TBC1D23: variants seen among roughly 807,000 people sequenced by gnomAD.
TBC1D23 encodes the protein TBC1 domain family member 23.
Under a neutral mutation model 91.4 loss-of-function variants are expected in TBC1D23, and 55 were observed. The observed-to-expected ratio is 0.60, with a 90% CI of 0.48 to 0.75. The LOEUF (loss-of-function observed/expected upper bound fraction) is 0.75, where lower values mean the gene tolerates loss of function less well. Ranked by LOEUF, TBC1D23 falls within the 30% of genes least tolerant of loss-of-function variation. TBC1D23 has a pLI of 0.00. For synonymous variants in TBC1D23, 289 were observed against 281.0 expected (o/e 1.03, Z -0.28); for missense variants, 725 against 836.1 (o/e 0.87, Z 1.64).
At chr3:100,308,963 G>A (rs1039018929) in intron 13 of TBC1D23, among the ~76,000 whole-genome samples, 2 of 152,210 alleles carry the variant, frequency 1.3e-5, no homozygotes, top group Non-Finnish European at 2.9e-5. Context: ...GCTCATGCTT[G>A]TAATCCCAGC....
At chr3:100,262,868 G>A (rs1244791884) in intron 1 of TBC1D23, among the ~76,000 whole-genome samples, 1 of 151,760 alleles carries the variant, frequency 6.6e-6, no homozygotes, top group Non-Finnish European at 1.5e-5. Flanking sequence ...AAAATCCAAT[G>A]TGCATTTTAC....
Position 100,323,507 on chromosome 3 carries a change from G to A in TBC1D23, c.2019-80G>A. 2 of 708,388 alleles carry A rather than the reference G, an allele frequency of 2.8e-6. 1 individual carries two copies. Among genetic ancestry groups the A allele is most frequent in the Admixed American group, 9.4e-5 (2 of 21,364 alleles). The allele number at this position is 708,388 out of a possible 1,614,324, so 43.9% of individuals were successfully genotyped here. On this transcript the variant is annotated intron_variant, in intron 18 of 18. Transcript: ENST00000394144. ...GGAGGTGACCTATCAGCTGAGTCTTGAAGGGAAAGCACTGTATTTTTATAT... is the reference window on the plus strand; with the variant it reads ...GGAGGTGACCTATCAGCTGAGTCTTAAAGGGAAAGCACTGTATTTTTATAT...
At chr3:100,320,390 G>A (rs1414896510) in intron 17 of TBC1D23, among the ~76,000 whole-genome samples, 1 of 152,020 alleles carries the variant, frequency 6.6e-6, no homozygotes, top group East Asian at 1.9e-4. Context: ...TAGTGATCTT[G>A]GATATTAGAT....
intron 15 of TBC1D23, 82 bp from the exon 16 acceptor site, chr3:100,316,017 G>T: frequency 8.9e-7 from 1 of 1,129,600 alleles, no homozygotes; most frequent in Non-Finnish European, 1.3e-6. Flanking sequence ...TACATTTTGT[G>T]TGAATATTCA....
At chr3:100,307,295 T>C (rs1233378385) in intron 13 of TBC1D23, among the ~76,000 whole-genome samples, 1 of 152,168 alleles carries the variant, frequency 6.6e-6, no homozygotes, top group Non-Finnish European at 1.5e-5. Context: ...AAAACAGAAA[T>C]AGAAGGAAAA....
intron 15 of TBC1D23, among the ~76,000 whole-genome samples, chr3:100,313,770 A>G (rs1052087953): frequency 6.6e-5 from 10 of 152,186 alleles, no homozygotes; most frequent in African/African-American, 2.2e-4. Context: ...GATGGCATCA[A>G]AGCATTTTTA....
intron 4 of TBC1D23, chr3:100,284,088 T>C (rs941650880): frequency 2.1e-5 from 7 of 334,230 alleles, no homozygotes; most frequent in Non-Finnish European, 3.8e-5. Context: ...AAATAGCAAA[T>C]AGGTGTGATG....
At chr3:100,306,696 C>T (rs1168923790) in intron 13 of TBC1D23, among the ~76,000 whole-genome samples, 153 bp downstream of exon 13, 1 of 152,184 alleles carries the variant, frequency 6.6e-6, no homozygotes, top group African/African-American at 2.4e-5. Flanking sequence ...TGAGATGATA[C>T]AGCAAGCCAT....
At chr3:100,319,283 C>A in intron 17 of TBC1D23, 79 bp downstream of exon 17, 1 of 1,173,110 alleles carries the variant, frequency 8.5e-7, no homozygotes, top group Non-Finnish European at 1.2e-6. Flanking sequence ...TACAGAAGAA[C>A]CTTTATTTAT....
chr3:100,271,368 G>A (rs997665031), intron 1 of TBC1D23, among the ~76,000 whole-genome samples: 1 of 152,162 alleles, frequency 6.6e-6, no homozygotes, highest in Non-Finnish European at 1.5e-5. Context: ...GGACATTGCT[G>A]TTTCTAATGG....
chr3:100,287,966 T>G (rs1006634964), intron 4 of TBC1D23, among the ~76,000 whole-genome samples: 1 of 151,876 alleles, frequency 6.6e-6, no homozygotes, highest in African/African-American at 2.4e-5. Flanking sequence ...TGAGGCCAGG[T>G]GCAGTGACTC....
chr3:100,293,750 A>C (rs1479763773), intron 5 of TBC1D23, among the ~76,000 whole-genome samples: 1 of 152,288 alleles, frequency 6.6e-6, no homozygotes, highest in South Asian at 2.1e-4. Context: ...TCTGTTCCCA[A>C]CACCACTCAC....
At chr3:100,284,999 T>C (rs1347174978) in intron 4 of TBC1D23, among the ~76,000 whole-genome samples, 1 of 152,128 alleles carries the variant, frequency 6.6e-6, no homozygotes, top group East Asian at 1.9e-4. Context: ...TAACTGACTC[T>C]TATTTTTTAC....
rs1327363724 is a variant in TBC1D23, at chr3:100,302,131, C to G, written c.1157C>G (p.Ser386Cys). The change falls in exon 11 of 19, where the codon TCC becomes TGC. Residue 386 changes from serine (S) to cysteine (C), a missense_variant. Coordinates refer to ENST00000394144, the MANE Select transcript of TBC1D23 (RefSeq NM_001199198.3). The part of the protein sequence containing the change: ...VKSLLEAQKQ[S>C]IESGSIAGGE... ...TCCTTGCTGGAAGCACAGAAGCAGTCCATTGAGTCTGGCTCCATAGCTGGT... is the reference window on the plus strand; with the variant it reads ...TCCTTGCTGGAAGCACAGAAGCAGTGCATTGAGTCTGGCTCCATAGCTGGT... 1 of 1,613,756 alleles carries G rather than the reference C, an allele frequency of 6.2e-7. No individual in the cohort carries two copies. Among genetic ancestry groups the G allele is most frequent in the Non-Finnish European group, 8.5e-7 (1 of 1,179,856 alleles).
intron 8 of TBC1D23, among the ~76,000 whole-genome samples, chr3:100,297,720 T>C (rs1223285713): frequency 6.6e-6 from 1 of 152,254 alleles, no homozygotes; most frequent in African/African-American, 2.4e-5. Flanking sequence ...GTCTTTCATT[T>C]TGTATGAACA....
intron 15 of TBC1D23, among the ~76,000 whole-genome samples, chr3:100,314,260 A>C (rs1705689284): frequency 1.3e-5 from 2 of 151,778 alleles, no homozygotes; most frequent in African/African-American, 4.8e-5. Context: ...CACCACACCC[A>C]GCTGATTTTT....
chr3:100,293,104 A>AGTTTGTTTGTTTGTTT lies in TBC1D23; in HGVS notation c.601-1974_601-1959dup, dbSNP rs56925154. On this transcript the variant is annotated intron_variant, in intron 5 of 18. Coordinates refer to ENST00000394144, the MANE Select transcript of TBC1D23 (RefSeq NM_001199198.3). ...TTTCTCTTCAGCTGATATGCCAGAT[A>AGTTTGTTTGTTTGTTT]GTTTGTTTGTTTGTTTGTTTGTTTA... 8.0e-5 allele frequency among the ~76,000 whole-genome samples: 12 copies of AGTTTGTTTGTTTGTTT among 150,518 alleles called. No homozygotes were observed. The East Asian group carries it at 9.9e-4, about 12-fold the overall frequency.
At position 100,320,869 on chromosome 3, in the gene TBC1D23, A is replaced by C. The variant is rs775625988; in HGVS notation, c.1916A>C (p.Asn639Thr). 1 of 1,613,150 alleles carries C rather than the reference A, an allele frequency of 6.2e-7. No homozygotes were observed. The highest frequency in any genetic ancestry group is 2.2e-5 in the East Asian group (1 of 44,810). ...LAYIQSRQAL[N>T]SVVKITSKKK... Reference sequence around the variant, plus strand: ...TATATACAGTCTCGACAAGCGCTGAATTCTGTAGTTAAAATTACATCCAAA... The same window carrying C: ...TATATACAGTCTCGACAAGCGCTGACTTCTGTAGTTAAAATTACATCCAAA... Residue 639 changes from asparagine to threonine, a missense_variant, in exon 18 of 19, where the codon AAT becomes ACT. Asn to Thr is a moderately conservative substitution (Grantham distance 65, BLOSUM62 0). Coordinates refer to ENST00000394144, the MANE Select transcript of TBC1D23 (RefSeq NM_001199198.3).
At chr3:100,272,681 G>C (rs1361986290) in intron 1 of TBC1D23, among the ~76,000 whole-genome samples, 8 of 152,174 alleles carry the variant, frequency 5.3e-5, no homozygotes. Context: ...ATCATTTTTG[G>C]GTGTTTCTCA....
Sources: allele counts gnomAD v4.1 joint callset (sites outside exome capture counted in the v4.1 genomes callset), GRCh38; gene constraint gnomAD v4.1.1; transcripts MANE v1.5; gene names NCBI Gene and HGNC (gene_info 2026-07-23, HGNC 2026-07-21).